Variants in ATP6V0A2 observed in about 807,000 individuals in gnomAD.
ATP6V0A2 encodes the protein ATPase H+ transporting V0 subunit a2.
A neutral mutation model predicts 104.4 loss-of-function variants in ATP6V0A2; 58 were observed. The ratio of observed to expected loss-of-function variants is 0.56; its 90% CI spans 0.45 to 0.69. The LOEUF (loss-of-function observed/expected upper bound fraction) is 0.69. ATP6V0A2 is among the 30% of genes least tolerant of loss of function. The pLI is 0.00. For synonymous variants in ATP6V0A2, 376 were observed against 397.9 expected (o/e 0.95, Z 0.65); for missense variants, 938 against 1,062.9 (o/e 0.88, Z 1.63).
Position 123,752,224 on chromosome 12 carries a change from G to T in ATP6V0A2, c.2056-59G>T, listed in dbSNP as rs543195039. The T allele has an allele frequency of 8.6e-5, 139 of 1,607,674 alleles. No homozygotes were observed. The African/African-American group carries it at 1.7e-3, about 20-fold the overall frequency. On this transcript the variant is annotated intron_variant, in intron 16 of 19. Transcript: ENST00000330342. ...AGAAACAAAGAAACTATACAAGTTT[G>T]GTTTTGTCACAACCTTGTGGTTTTA... is the stretch of plus-strand genomic sequence containing the variant.
At chr12:123,717,053 G>A (rs569947341) in intron 1 of ATP6V0A2, among the ~76,000 whole-genome samples, 3 of 152,128 alleles carry the variant, frequency 2.0e-5, no homozygotes, top group South Asian at 2.1e-4. Context: ...GGTGGCTCAC[G>A]CCTGTAATCC....
At chr12:123,714,223 C>G (rs141065127) in intron 1 of ATP6V0A2, among the ~76,000 whole-genome samples, 104 of 152,328 alleles carry the variant, frequency 6.8e-4, no homozygotes, top group African/African-American at 2.2e-3. Context: ...GCGCCACTAC[C>G]TCCAGTCATA....
At chr12:123,756,756 A>C in intron 18 of ATP6V0A2, 59 bp from the exon 19 acceptor site, 1 of 1,594,676 alleles carries the variant, frequency 6.3e-7, no homozygotes, top group Non-Finnish European at 8.6e-7. Flanking sequence ...CAGGTAGCTC[A>C]CAGAGGGACC....
chr12:123,719,957 T>G (rs1017555316), intron 2 of ATP6V0A2, among the ~76,000 whole-genome samples: 4 of 152,156 alleles, frequency 2.6e-5, no homozygotes, highest in African/African-American at 9.7e-5. Flanking sequence ...CTCCCCCGTA[T>G]AAACCCCTCA....
At chr12:123,753,020 C>T (rs1021862824) in intron 17 of ATP6V0A2, among the ~76,000 whole-genome samples, 3 of 152,216 alleles carry the variant, frequency 2.0e-5, no homozygotes, top group African/African-American at 7.2e-5. Flanking sequence ...AAATACCTGC[C>T]ATCCCTGGAC....
intron 9 of ATP6V0A2, among the ~76,000 whole-genome samples, chr12:123,737,977 C>T (rs1422809312): frequency 2.0e-5 from 3 of 152,352 alleles, no homozygotes; most frequent in African/African-American, 7.2e-5. Flanking sequence ...TCCGCTTTTA[C>T]AAATAGCACT....
intron 13 of ATP6V0A2, among the ~76,000 whole-genome samples, chr12:123,746,399 C>T (rs11057342): frequency 6.6e-6 from 1 of 151,928 alleles, no homozygotes; most frequent in South Asian, 2.1e-4. Context: ...CCTCCAACTT[C>T]TCAGCCCTGA....
At chr12:123,718,153 C>T (rs113668123) in intron 1 of ATP6V0A2, among the ~76,000 whole-genome samples, 7,119 of 151,428 alleles carry the variant, frequency 0.047, 366 homozygotes, top group African/African-American at 0.13. Context: ...GCAAATGGCA[C>T]GATCTTGGCT....
chr12:123,735,488 A>G (rs769486906), intron 7 of ATP6V0A2, 43 bp from the exon 8 acceptor site: 42 of 1,559,360 alleles, frequency 2.7e-5, no homozygotes, highest in Non-Finnish European at 3.7e-5. Context: ...GTTTAGTTCT[A>G]GTGCTGACAG....
chr12:123,739,005 T>G (rs549271392), intron 9 of ATP6V0A2: 13 of 152,356 alleles, frequency 8.5e-5, no homozygotes, highest in African/African-American at 2.6e-4. Context: ...TGATTCTTCT[T>G]TTACTGAGGT....
At chr12:123,734,777 T>C (rs1250528508) in intron 7 of ATP6V0A2, among the ~76,000 whole-genome samples, 2 of 152,212 alleles carry the variant, frequency 1.3e-5, no homozygotes, top group African/African-American at 2.4e-5. Context: ...TTACTAGAAT[T>C]TGGTTCTCAA....
chr12:123,718,706 G>A lies in ATP6V0A2; in HGVS notation c.196+5G>A, dbSNP rs1357381113. ...AAGAGCTAGAGCGAATATTGGGTAA[G>A]TTTATTTTCTGATTTAACAACTTAA... is the stretch of plus-strand genomic sequence containing the variant. On this transcript the variant is annotated splice_donor_5th_base_variant and intron_variant, in intron 2 of 19. Coordinates refer to ENST00000330342, the MANE Select transcript of ATP6V0A2 (RefSeq NM_012463.4). 1.2e-6 allele frequency: 2 copies of A among 1,603,648 alleles called. No individual in the cohort carries two copies. The highest frequency in any genetic ancestry group is 1.7e-5 in the Admixed American group (1 of 59,728).
chr12:123,746,807 C>T (rs1282520281), intron 13 of ATP6V0A2, among the ~76,000 whole-genome samples: 1 of 151,924 alleles, frequency 6.6e-6, no homozygotes, highest in Non-Finnish European at 1.5e-5. Flanking sequence ...ATCAGCCAGG[C>T]ATGCTGGTCC....
chr12:123,737,287 TCTC>T lies in ATP6V0A2; in HGVS notation c.1038+20_1038+22del, dbSNP rs1956564680. On this transcript the variant is annotated intron_variant, in intron 9 of 19. Coordinates refer to ENST00000330342, the MANE Select transcript of ATP6V0A2 (RefSeq NM_012463.4). ...GGAGGGCTCGGTAAGGCTGCCTTCC[TCTC>T]CTCTGCCAGGAACAGAAGAGAGACT... 3 of 1,613,096 alleles carry T rather than the reference TCTC, an allele frequency of 1.9e-6. No homozygotes were observed. Among genetic ancestry groups the T allele is most frequent in the Non-Finnish European group, 2.5e-6 (3 of 1,179,366 alleles).
At chr12:123,729,322 G>GTTTTTTTGTTTTTT (rs1555296872) in intron 6 of ATP6V0A2, among the ~76,000 whole-genome samples, 6 of 113,890 alleles carry the variant, frequency 5.3e-5, no homozygotes, top group Non-Finnish European at 1.0e-4. Context: ...CAAGGAGGCT[G>GTTTTTTTGTTTTTT]TTTTTTTTTT....
rs1231601772 is a variant in ATP6V0A2, at chr12:123,718,698, T to C, written c.193T>C (p.Leu65=). ...VKRCEELERI[L]VYLVQEINRA... is the part of the protein sequence containing the mutation. Reference sequence around the variant, plus strand: ...GAGGTGTGAAGAGCTAGAGCGAATATTGGGTAAGTTTATTTTCTGATTTAA... The same window carrying C: ...GAGGTGTGAAGAGCTAGAGCGAATACTGGGTAAGTTTATTTTCTGATTTAA... The change falls in exon 2 of 20, where the codon TTG becomes CTG. Residue 65 remains leucine, a synonymous_variant. Coordinates refer to ENST00000330342, the MANE Select transcript of ATP6V0A2 (RefSeq NM_012463.4). 3 of 1,607,892 alleles carry C rather than the reference T, an allele frequency of 1.9e-6. No individual in the cohort carries two copies. Among genetic ancestry groups the C allele is most frequent in the East Asian group, 2.2e-5 (1 of 44,750 alleles).
At chr12:123,734,251 G>T (rs1178320188) in intron 7 of ATP6V0A2, among the ~76,000 whole-genome samples, 1 of 152,186 alleles carries the variant, frequency 6.6e-6, no homozygotes, top group Admixed American at 6.5e-5. Flanking sequence ...TTTCCTTGGA[G>T]ATCAGGGCTT....
Position 123,752,344 on chromosome 12 carries a change from A to T in ATP6V0A2, c.2117A>T (p.Asp706Val), listed in dbSNP as rs1956724006. 1 of 1,614,216 alleles carries T rather than the reference A, an allele frequency of 6.2e-7. No individual in the cohort carries two copies. Among genetic ancestry groups the T allele is most frequent in the African/African-American group, 1.3e-5 (1 of 75,058 alleles). The change falls in exon 17 of 20, where the codon GAT (aspartate) becomes GTT (valine). Residue 706 changes from aspartate (D) to valine (V), a missense_variant. Coordinates refer to ENST00000330342, the MANE Select transcript of ATP6V0A2 (RefSeq NM_012463.4). ...EEEVSLLGSQ[D>V]IEEGNHQVED... ...GAAGTTTCATTGCTGGGAAGCCAAG[A>T]TATAGAAGAGGGAAATCACCAGGTG...
At chr12:123,721,102 A>G (rs1211927761) in intron 2 of ATP6V0A2, 1 of 152,276 alleles carries the variant, frequency 6.6e-6, no homozygotes, top group Non-Finnish European at 1.5e-5. Context: ...CTTTTAGCCT[A>G]AGGAAAGGGA....
Sources: allele counts gnomAD v4.1 joint callset (sites outside exome capture counted in the v4.1 genomes callset), GRCh38; gene constraint gnomAD v4.1.1; transcripts MANE v1.5; gene names NCBI Gene and HGNC (gene_info 2026-07-23, HGNC 2026-07-21).